The following MAP3K4 variants were observed in gnomAD, a reference collection of about 807,000 sequenced individuals.
MAP3K4 encodes mitogen-activated protein kinase kinase kinase 4.
Under a neutral mutation model 185.6 loss-of-function variants are expected in MAP3K4, and 67 were observed. The ratio of observed to expected loss-of-function variants is 0.36; its 90% CI spans 0.30 to 0.44. MAP3K4 has a LOEUF of 0.44. Among genes scored for constraint, MAP3K4 ranks in the 20% least tolerant of loss-of-function variants. The pLI is 1.00. For synonymous variants in MAP3K4, 702 were observed against 710.4 expected (o/e 0.99, Z 0.19); for missense variants, 1,551 against 1,995.1 (o/e 0.78, Z 4.24).
Position 161,073,352 on chromosome 6 carries a change from T to C in MAP3K4, c.1951-114T>C. On this transcript the variant is annotated intron_variant, in intron 4 of 26. Coordinates refer to ENST00000392142, the MANE Select transcript of MAP3K4 (RefSeq NM_005922.4). The surrounding 1 kb of genome is among the most constrained non-coding windows in gnomAD (Gnocchi z 4.2). The stretch of plus-strand genomic sequence containing the variant: ...AAGAATCTAGAAACTATTGTAGGTT[T>C]TTTAGAGGCAAGGTTCCCTCTGAGT... 1 of 1,020,876 alleles carries C rather than the reference T, an allele frequency of 9.8e-7. No homozygotes were observed. Among genetic ancestry groups the C allele is most frequent in the Non-Finnish European group, 1.4e-6 (1 of 729,002 alleles). The allele number at this position is 1,020,876 out of a possible 1,614,324, so 63.2% of individuals were successfully genotyped here. A position where few individuals can be genotyped will look rare whatever the true frequency, so the allele number is the denominator to read the frequency against.
rs573815963 is a variant in MAP3K4 at position 161,071,668 on chromosome 6, G to T, written c.1950+818G>T. ...TGTTTGTTTAATTAGGAGTAGAATA[G>T]AATGACTAATGAAAGTCATTTGGAG... is the stretch of plus-strand genomic sequence containing the variant. On this transcript the variant is annotated intron_variant, in intron 4 of 26. Coordinates refer to ENST00000392142, the MANE Select transcript of MAP3K4 (RefSeq NM_005922.4). This position sits in a 1 kb window ranked among gnomAD's most constrained non-coding sequence, Gnocchi z 4.6. Among the ~76,000 whole-genome samples, 1 of 152,270 alleles carries T rather than the reference G, an allele frequency of 6.6e-6. No homozygotes were observed. The highest frequency in any genetic ancestry group is 1.9e-4 in the East Asian group (1 of 5,172).
chr6:161,112,805 A>T lies in MAP3K4; in HGVS notation c.4626+31A>T. On this transcript the variant is annotated intron_variant, in intron 25 of 26. Transcript: ENST00000392142. The surrounding 1 kb of genome is among the most constrained non-coding windows in gnomAD (Gnocchi z 5.1). ...CGGAGCCCCCACACCTGGCGGAGCAACTTCAGAAGGGCACTGTGCATTAAC... is the reference window on the plus strand; with the variant it reads ...CGGAGCCCCCACACCTGGCGGAGCATCTTCAGAAGGGCACTGTGCATTAAC... 4 of 1,469,846 alleles carry T rather than the reference A, an allele frequency of 2.7e-6. No homozygotes were observed. The highest frequency in any genetic ancestry group is 3.7e-6 in the Non-Finnish European group (4 of 1,087,810). The allele number at this position is 1,469,846 out of a possible 1,614,324, so 91.1% of individuals were successfully genotyped here. A position where few individuals can be genotyped will look rare whatever the true frequency, so the allele number is the denominator to read the frequency against.
rs1388799190 is a variant in MAP3K4 at position 161,077,436 on chromosome 6, T to C, written c.2098-3445T>C. 1.3e-5 allele frequency among the ~76,000 whole-genome samples: 2 copies of C among 152,204 alleles called. No individual in the cohort carries two copies. Among genetic ancestry groups the C allele is most frequent in the African/African-American group, 2.4e-5 (1 of 41,450 alleles). On this transcript the variant is annotated intron_variant, in intron 5 of 26. Transcript: ENST00000392142. The surrounding 1 kb of genome is among the most constrained non-coding windows in gnomAD (Gnocchi z 4.3). ...TTTAGCCTCTTTGCTTTTTAACTTATAAAGAGAGGGATCAAGAGAAGCCCC... is the reference window on the plus strand; with the variant it reads ...TTTAGCCTCTTTGCTTTTTAACTTACAAAGAGAGGGATCAAGAGAAGCCCC...
chr6:161,077,483 C>T lies in MAP3K4; in HGVS notation c.2098-3398C>T, dbSNP rs1433979041. Among the ~76,000 whole-genome samples the T allele has an allele frequency of 2.6e-5, 4 of 152,070 alleles. No homozygotes were observed. Among genetic ancestry groups the T allele is most frequent in the South Asian group, 4.1e-4 (2 of 4,832 alleles). On this transcript the variant is annotated intron_variant, in intron 5 of 26. Transcript: ENST00000392142. This position sits in a 1 kb window ranked among gnomAD's most constrained non-coding sequence, Gnocchi z 4.3. ...CCCCTTTTTGGTAGCAGGTGCGGTC[C>T]GCTTGGGAAAGGAGCCTGGCAAGAG...
At chr6:160,993,680 G>C (rs1419871637) in intron 1 of MAP3K4, among the ~76,000 whole-genome samples, 1 of 151,586 alleles carries the variant, frequency 6.6e-6, no homozygotes, top group Admixed American at 6.6e-5. Context: ...TTAGGTAAAA[G>C]CGAGAAGGGC....
chr6:161,086,339 T>C lies in MAP3K4; in HGVS notation c.2373-40T>C, dbSNP rs767904120. 2.4e-5 allele frequency: 29 copies of C among 1,192,038 alleles called. No homozygotes were observed. In the Middle Eastern group the frequency reaches 8.0e-4, roughly 33 times the overall value. 73.8% of individuals were successfully genotyped at this position (1,192,038 alleles called of 1,614,324 possible). ...AATCCCTCTTGCACCTCTGGAATAT[T>C]CCCTAATGTGTTCTAACTGGACTTG... is the stretch of plus-strand genomic sequence containing the variant. On this transcript the variant is annotated intron_variant, in intron 7 of 26. Transcript: ENST00000392142. The surrounding 1 kb of genome is among the most constrained non-coding windows in gnomAD (Gnocchi z 4.8).
Position 161,043,501 on chromosome 6 carries a change from G to A in MAP3K4, c.344-5115G>A, listed in dbSNP as rs1255000620. On this transcript the variant is annotated intron_variant, in intron 2 of 26. Transcript: ENST00000392142. The surrounding 1 kb of genome is among the most constrained non-coding windows in gnomAD (Gnocchi z 4.3). Reference sequence around the variant, plus strand: ...TTGACAAGTCCAAGGATGGTGTGGTGGCACCAACTTGGGCTAGGACCCCTG... The same window carrying A: ...TTGACAAGTCCAAGGATGGTGTGGTAGCACCAACTTGGGCTAGGACCCCTG... Among the ~76,000 whole-genome samples the A allele has an allele frequency of 6.6e-6, 1 of 152,140 alleles. No homozygotes were observed. The highest frequency in any genetic ancestry group is 1.5e-5 in the Non-Finnish European group (1 of 68,024).
At position 161,022,035 on chromosome 6, in the gene MAP3K4, A is replaced by C. The variant is rs1583122445; in HGVS notation, c.153-12224A>C. On this transcript the variant is annotated intron_variant, in intron 1 of 26. Coordinates refer to ENST00000392142, the MANE Select transcript of MAP3K4 (RefSeq NM_005922.4). This position sits in a 1 kb window ranked among gnomAD's most constrained non-coding sequence, Gnocchi z 4.2. ...AATCCTGTTTTCAATGAAAAAGAAA[A>C]AAGAAGAGTTGTTGTTAATTCAAAA... Among the ~76,000 whole-genome samples, 1 of 152,314 alleles carries C rather than the reference A, an allele frequency of 6.6e-6. No homozygotes were observed. The highest frequency in any genetic ancestry group is 1.5e-5 in the Non-Finnish European group (1 of 68,020).
chr6:160,998,419 T>G (rs1781106869), intron 1 of MAP3K4, among the ~76,000 whole-genome samples: 1 of 152,356 alleles, frequency 6.6e-6, no homozygotes. Flanking sequence ...TCAGAGAGCC[T>G]AAATTCTTAA....
intron 15 of MAP3K4, among the ~76,000 whole-genome samples, chr6:161,094,868 A>G (rs1380389375): frequency 6.6e-6 from 1 of 152,232 alleles, no homozygotes; most frequent in Non-Finnish European, 1.5e-5. Flanking sequence ...ATCCTAAAAC[A>G]CTTCTCTAAG....
chr6:160,992,789 T>C (rs573350155), intron 1 of MAP3K4, among the ~76,000 whole-genome samples: 3 of 152,300 alleles, frequency 2.0e-5, no homozygotes, highest in African/African-American at 7.2e-5. Context: ...TTTTCTTCCA[T>C]ACTCTATTAA....
rs970329271 is a variant in MAP3K4 at position 161,053,786 on chromosome 6, G to A, written c.1707+3807G>A. ...TTTTGTGTTTTTAATAGAGACGGGG[G>A]TTTCACCATGTTGGCCAGGCTAGTC... On this transcript the variant is annotated intron_variant, in intron 3 of 26. Coordinates refer to ENST00000392142, the MANE Select transcript of MAP3K4 (RefSeq NM_005922.4). The surrounding 1 kb of genome is among the most constrained non-coding windows in gnomAD (Gnocchi z 4.2). Among the ~76,000 whole-genome samples, 3 of 151,950 alleles carry A rather than the reference G, an allele frequency of 2.0e-5. No individual in the cohort carries two copies. Among genetic ancestry groups the A allele is most frequent in the Admixed American group, 2.0e-4 (3 of 15,264 alleles).
At chr6:161,089,268 T>A in intron 10 of MAP3K4, 54 bp from the exon 11 acceptor site, 2 of 1,575,920 alleles carry the variant, frequency 1.3e-6, no homozygotes, top group Non-Finnish European at 1.7e-6. Context: ...TGAACTAGAA[T>A]AACAACTAGT....
chr6:161,112,063 T>C lies in MAP3K4; in HGVS notation c.4519+105T>C. ...TTGTCAGTAGAGATGGGAGAGCAGG[T>C]AAAGGTTTTCAGTCGTGAGAAGGAC... On this transcript the variant is annotated intron_variant, in intron 24 of 26. Coordinates refer to ENST00000392142, the MANE Select transcript of MAP3K4 (RefSeq NM_005922.4). The surrounding 1 kb of genome is among the most constrained non-coding windows in gnomAD (Gnocchi z 5.1). The C allele has an allele frequency of 2.0e-6, 3 of 1,468,550 alleles. No individual in the cohort carries two copies. Among genetic ancestry groups the C allele is most frequent in the Non-Finnish European group, 2.7e-6 (3 of 1,090,972 alleles). The allele number at this position is 1,468,550 out of a possible 1,614,324, so 91.0% of individuals were successfully genotyped here.
rs1778237078 is a variant in MAP3K4 at position 161,109,169 on chromosome 6, A to G, written c.4236+310A>G. On this transcript the variant is annotated intron_variant, in intron 22 of 26. Transcript: ENST00000392142. This position sits in a 1 kb window ranked among gnomAD's most constrained non-coding sequence, Gnocchi z 5.7. ...GACTTTTTTTCCGTTTTTTTGCTGA[A>G]CCACTGTTGAGTACACTGTTAAGTA... The G allele has an allele frequency of 1.8e-6, 1 of 548,204 alleles. No homozygotes were observed. 34.0% of individuals were successfully genotyped at this position (548,204 alleles called of 1,614,324 possible).
chr6:161,026,768 T>C (rs904695750), intron 1 of MAP3K4, among the ~76,000 whole-genome samples: 4 of 146,736 alleles, frequency 2.7e-5, no homozygotes, highest in Non-Finnish European at 3.0e-5. Flanking sequence ...GTAGTTCTCA[T>C]TGGAAAGTCT....
At chr6:161,024,333 T>A (rs1243514846) in intron 1 of MAP3K4, among the ~76,000 whole-genome samples, 2 of 152,194 alleles carry the variant, frequency 1.3e-5, no homozygotes, top group Non-Finnish European at 2.9e-5. Flanking sequence ...CTATACCCTA[T>A]GCTCAGTTTC....
Position 161,067,280 on chromosome 6 carries a change from G to C in MAP3K4, c.1708-3328G>C, listed in dbSNP as rs1487466083. On this transcript the variant is annotated intron_variant, in intron 3 of 26. Transcript: ENST00000392142. This position sits in a 1 kb window ranked among gnomAD's most constrained non-coding sequence, Gnocchi z 6.3. ...GACAGGACAACTCGAAGCAGGGATG[G>C]GGCTTGCAGGTCACAGGTAGGTAAG... 4.6e-6 allele frequency: 2 copies of C among 439,028 alleles called. No homozygotes were observed. Among genetic ancestry groups the C allele is most frequent in the Admixed American group, 4.9e-5 (2 of 40,886 alleles). The allele number at this position is 439,028 out of a possible 1,614,324, so 27.2% of individuals were successfully genotyped here.
rs746458175 is a variant in MAP3K4, at chr6:161,097,113, T to G, written c.3461T>G (p.Val1154Gly). 1 of 1,614,180 alleles carries G rather than the reference T, an allele frequency of 6.2e-7. No homozygotes were observed. Among genetic ancestry groups the G allele is most frequent in the South Asian group, 1.1e-5 (1 of 91,080 alleles). Residue 1154 changes from valine (V) to glycine (G), a missense_variant, in exon 16 of 27, where the codon GTA becomes GGA. Val to Gly is a moderately radical substitution (Grantham distance 109, BLOSUM62 -3). Around this residue, in one of 16 missense-constraint regions of MAP3K4, gnomAD observed 272 missense variants for 301.2 expected, o/e 0.90. Transcript: ENST00000392142. The surrounding 1 kb of genome is among the most constrained non-coding windows in gnomAD (Gnocchi z 4.9). ...IHRNSPRPMKVPRCHSDPPNP... is the reference protein window; with the variant it reads ...IHRNSPRPMKGPRCHSDPPNP... The stretch of plus-strand genomic sequence containing the variant: ...CGGAACAGCCCCCGTCCTATGAAGG[T>G]ACCTCGATGCCATAGTGACCCTCCT...
Sources: allele counts gnomAD v4.1 joint callset (sites outside exome capture counted in the v4.1 genomes callset), GRCh38; gene constraint gnomAD v4.1.1; regional missense constraint gnomAD v4.1.1; non-coding constraint Gnocchi (gnomAD v3.1); transcripts MANE v1.5; gene names NCBI Gene and HGNC (gene_info 2026-07-23, HGNC 2026-07-21).